Variants in KAZN observed in about 807,000 individuals in gnomAD.
KAZN encodes kazrin.
In KAZN, 40 loss-of-function variants were observed where a neutral mutation model predicts 87.4. That is an observed-to-expected ratio of 0.46 (90% CI 0.36 to 0.60). The LOEUF (loss-of-function observed/expected upper bound fraction) is 0.60, where lower values mean the gene tolerates loss of function less well. KAZN is among the 20% of genes least tolerant of loss of function. The pLI is 0.00. For missense variants in KAZN, 898 were observed against 1,073.9 expected (o/e 0.84, Z 2.29); for synonymous variants, 466 against 458.3 (o/e 1.02, Z -0.22).
intron 2 of KAZN, among the ~76,000 whole-genome samples, chr1:14,424,799 C>G (rs898434044): frequency 6.6e-6 from 1 of 152,188 alleles, no homozygotes; most frequent in Non-Finnish European, 1.5e-5. Context: ...TAAAAAGCTC[C>G]TAAGCTGTAA....
At chr1:14,373,093 A>G (rs373615476) in intron 2 of KAZN, among the ~76,000 whole-genome samples, 4 of 152,218 alleles carry the variant, frequency 2.6e-5, no homozygotes, top group East Asian at 3.9e-4. Flanking sequence ...ATAAAAAGAA[A>G]GCTGGAGGTA....
chr1:14,233,953 A>C (rs1251062722), intron 2 of KAZN, among the ~76,000 whole-genome samples: 1 of 152,216 alleles, frequency 6.6e-6, no homozygotes, highest in African/African-American at 2.4e-5. Flanking sequence ...TGTTAGTAGG[A>C]GTGTAAATTA....
chr1:15,100,166 G>A (rs1640993517), intron 10 of KAZN, among the ~76,000 whole-genome samples: 1 of 152,196 alleles, frequency 6.6e-6, no homozygotes. Flanking sequence ...CTGGAGATGG[G>A]TAATACAGAG....
chr1:14,918,738 A>G (rs2101469608), intron 1 of KAZN, among the ~76,000 whole-genome samples: 1 of 120,826 alleles, frequency 8.3e-6, no homozygotes, highest in Non-Finnish European at 1.7e-5. Context: ...ATATATATAT[A>G]TATATATATA....
intron 2 of KAZN, among the ~76,000 whole-genome samples, chr1:14,368,907 C>A (rs538051807): frequency 6.6e-6 from 1 of 152,212 alleles, no homozygotes; most frequent in East Asian, 1.9e-4. Flanking sequence ...TTAGGTAGTT[C>A]TCTCCAAGTA....
intron 2 of KAZN, among the ~76,000 whole-genome samples, chr1:14,538,045 CT>C (rs1197891770): frequency 1.3e-5 from 2 of 152,192 alleles, no homozygotes; most frequent in Non-Finnish European, 2.9e-5. Flanking sequence ...ATTGAACCCT[CT>C]GCTATGCGAC....
At chr1:14,186,672 C>T (rs1344262992) in intron 2 of KAZN, among the ~76,000 whole-genome samples, 7 of 152,134 alleles carry the variant, frequency 4.6e-5, no homozygotes, top group Admixed American at 2.0e-4. Flanking sequence ...ATGGTCTCGC[C>T]ATGACTGTGA....
chr1:14,815,535 T>A (rs561897006), intron 1 of KAZN, among the ~76,000 whole-genome samples: 2 of 152,308 alleles, frequency 1.3e-5, no homozygotes, highest in Admixed American at 1.3e-4. Flanking sequence ...TCAGTGTTGA[T>A]TATGACAGAT....
intron 2 of KAZN, among the ~76,000 whole-genome samples, chr1:14,364,533 G>A (rs577864675): frequency 1.1e-4 from 16 of 152,266 alleles, no homozygotes; most frequent in African/African-American, 3.1e-4. Context: ...CAGTATATAG[G>A]AAAGGGATCC....
At chr1:14,279,752 A>G (rs1034103488) in intron 2 of KAZN, among the ~76,000 whole-genome samples, 1 of 152,232 alleles carries the variant, frequency 6.6e-6, no homozygotes, top group Non-Finnish European at 1.5e-5. Flanking sequence ...GGTCCTGGAC[A>G]TTGAGACAGG....
intron 13 of KAZN, among the ~76,000 whole-genome samples, chr1:15,111,264 GTTGTTGT>G (rs1226512220): frequency 0.024 from 381 of 15,838 alleles, no homozygotes; most frequent in African/African-American, 0.091. Flanking sequence ...AGGTTCTGTT[GTTGTTGT>G]TTGTTGTTGT....
rs1329222069 is a variant in KAZN, at chr1:15,099,201, G to T, written c.1548-2342G>T. On this transcript the variant is annotated intron_variant, in intron 10 of 14. Transcript: ENST00000376030. This position sits in a 1 kb window ranked among gnomAD's most constrained non-coding sequence, Gnocchi z 5.4. ...AGGCTGATGGGCAGAGGGAAGGAGA[G>T]TGAAGCCAAGCTGCAAGCCCATCCT... 6.6e-6 allele frequency among the ~76,000 whole-genome samples: 1 copy of T among 152,210 alleles called. No homozygotes were observed. Among genetic ancestry groups the T allele is most frequent in the Non-Finnish European group, 1.5e-5 (1 of 68,046 alleles).
In KAZN at chr1:14,357,831, T is replaced by G. The variant is rs140553113; in HGVS notation, c.249+177239T>G. On this transcript the variant is annotated intron_variant, in intron 2 of 16. Transcript: ENST00000636203. The stretch of plus-strand genomic sequence containing the variant: ...GCTGCTGGATTCGGTTTGCCAGTAT[T>G]TTATTGAGGATTTTTGCACTGATGT... Among the ~76,000 whole-genome samples, 11 of 152,282 alleles carry G rather than the reference T, an allele frequency of 7.2e-5. No individual in the cohort carries two copies. The East Asian group carries it at 2.1e-3, about 29-fold the overall frequency.
intron 1 of KAZN, among the ~76,000 whole-genome samples, chr1:14,895,767 C>T (rs968013018): frequency 6.6e-6 from 1 of 152,326 alleles, no homozygotes; most frequent in Middle Eastern, 3.4e-3. Context: ...TCCGTCCTCT[C>T]CCTGGTTCAA....
intron 2 of KAZN, among the ~76,000 whole-genome samples, chr1:14,565,749 C>T (rs1674513279): frequency 6.6e-6 from 1 of 152,144 alleles, no homozygotes; most frequent in South Asian, 2.1e-4. Flanking sequence ...GAGTAGTTTC[C>T]ATCTCTAGAA....
At chr1:14,068,396 C>T (rs1198009489) in intron 1 of KAZN, among the ~76,000 whole-genome samples, 1 of 152,130 alleles carries the variant, frequency 6.6e-6, no homozygotes, top group Non-Finnish European at 1.5e-5. Context: ...TAGAAAAATA[C>T]CTGGTAAGCT....
At chr1:14,684,262 G>A (rs564934753) in intron 1 of KAZN, among the ~76,000 whole-genome samples, 1 of 152,252 alleles carries the variant, frequency 6.6e-6, no homozygotes, top group East Asian at 1.9e-4. Context: ...TCAGCGTTGG[G>A]GCTGTGGGCA....
chr1:14,857,979 G>T (rs555281907), intron 1 of KAZN, among the ~76,000 whole-genome samples: 1 of 152,168 alleles, frequency 6.6e-6, no homozygotes, highest in African/African-American at 2.4e-5. Context: ...CTTCCCAGCC[G>T]CAGGCACCCA....
At chr1:14,321,237 C>G (rs1321881566) in intron 2 of KAZN, among the ~76,000 whole-genome samples, 1 of 152,078 alleles carries the variant, frequency 6.6e-6, no homozygotes, top group East Asian at 1.9e-4. Context: ...GGCAAACAGT[C>G]AAAGGAAATG....
Sources: allele counts gnomAD v4.1 joint callset (sites outside exome capture counted in the v4.1 genomes callset), GRCh38; gene constraint gnomAD v4.1.1; non-coding constraint Gnocchi (gnomAD v3.1); transcripts MANE v1.5; gene names NCBI Gene and HGNC (gene_info 2026-07-23, HGNC 2026-07-21).